Variants in EDA observed in about 807,000 individuals in gnomAD.
EDA encodes ectodysplasin A.
Under a neutral mutation model 23.6 loss-of-function variants are expected in EDA, and 2 were observed. That is an observed-to-expected ratio of 0.08 (90% confidence interval 0.03 to 0.27). EDA has a LOEUF of 0.27. EDA is among the 10% of genes least tolerant of loss of function. EDA has a pLI of 1.00. For missense variants in EDA, 229 were observed against 324.2 expected (o/e 0.71, Z 2.26); for synonymous variants, 131 against 132.0 (o/e 0.99, Z 0.05).
At chrX:69,690,408 T>G (rs1934680254) in intron 1 of EDA, among the ~76,000 whole-genome samples, 1 of 111,624 alleles carries the variant, frequency 9.0e-6, no homozygotes, top group South Asian at 3.7e-4. Context: ...TATTCATGAA[T>G]TTTTTCCTTT....
intron 1 of EDA, among the ~76,000 whole-genome samples, chrX:69,801,664 T>G (rs2015689158): frequency 8.9e-6 from 1 of 112,069 alleles, no homozygotes; most frequent in African/African-American, 3.2e-5. Flanking sequence ...TCTCAAACCA[T>G]TTTTTATAAA....
rs762842929 is a variant in EDA at position 69,616,662 on chromosome X, G to A, written c.354G>A (p.Pro118=). 5 of 1,211,662 alleles carry A rather than the reference G, an allele frequency of 4.1e-6. No individual in the cohort carries two copies. Among genetic ancestry groups the A allele is most frequent in the Admixed American group, 4.3e-5 (2 of 46,126 alleles). ...CACCTAAGCAGCAGCCATTGGAACC[G>A]GGAGAAGCCGCACTCCACTCTGACT... ...QPSPKQQPLE[P]GEAALHSDSQ... Residue 118 remains proline (P), a synonymous_variant, in exon 1 of 8, where the codon CCG becomes CCA. Transcript: ENST00000374552.
At chrX:69,703,775 G>A (rs1212166511) in intron 1 of EDA, among the ~76,000 whole-genome samples, 1 of 111,886 alleles carries the variant, frequency 8.9e-6, no homozygotes, top group East Asian at 2.8e-4. Flanking sequence ...GACTGGGCCT[G>A]AGAAGGGAGG....
At chrX:69,715,064 A>ATT (rs60745776) in intron 1 of EDA, among the ~76,000 whole-genome samples, 29 of 80,143 alleles carry the variant, frequency 3.6e-4, no homozygotes, top group Non-Finnish European at 4.8e-4. Context: ...CTTTCAACCC[A>ATT]TTTTTTTTTT....
chrX:69,845,878 T>C (rs988928150), intron 1 of EDA, among the ~76,000 whole-genome samples: 3 of 111,742 alleles, frequency 2.7e-5, no homozygotes, highest in Non-Finnish European at 5.6e-5. Context: ...GCCACAACCA[T>C]GTGAGTGAAC....
At chrX:69,722,709 G>A (rs1849316879) in intron 1 of EDA, among the ~76,000 whole-genome samples, 1 of 111,224 alleles carries the variant, frequency 9.0e-6, no homozygotes. Context: ...CACTAGTAGA[G>A]CTATGAATAC....
chrX:69,763,002 T>G, intron 1 of EDA, among the ~76,000 whole-genome samples: 1 of 112,413 alleles, frequency 8.9e-6, no homozygotes, highest in African/African-American at 3.2e-5. Context: ...TTGTGGTCTG[T>G]TAAAAATACA....
chrX:69,679,528 A>T (rs796983880), intron 1 of EDA, among the ~76,000 whole-genome samples: 6 of 111,260 alleles, frequency 5.4e-5, no homozygotes, highest in African/African-American at 1.6e-4. Flanking sequence ...GAGATTCAAC[A>T]TCTTCCTTGT....
intron 1 of EDA, among the ~76,000 whole-genome samples, chrX:69,851,173 G>GTGTGTGTT (rs1556018795): frequency 1.8e-5 from 2 of 110,875 alleles, no homozygotes; most frequent in Non-Finnish European, 3.8e-5. Flanking sequence ...GTGTGTGTGT[G>GTGTGTGTT]TGTGTGTGTG....
chrX:69,775,287 G>A (rs751879933), intron 1 of EDA, among the ~76,000 whole-genome samples: 1 of 111,188 alleles, frequency 9.0e-6, no homozygotes. Context: ...TAACTAAAGA[G>A]ACCTCACTCA....
chrX:69,853,443 CAG>C (rs2017176584), intron 1 of EDA, among the ~76,000 whole-genome samples: 1 of 110,801 alleles, frequency 9.0e-6, no homozygotes, highest in Non-Finnish European at 1.9e-5. Context: ...ATTGGAGTTC[CAG>C]AGAGATAAAA....
At chrX:69,625,375 G>T (rs1029286738) in intron 1 of EDA, among the ~76,000 whole-genome samples, 1 of 110,752 alleles carries the variant, frequency 9.0e-6, no homozygotes, top group African/African-American at 3.3e-5. Context: ...CAAGTGCAAA[G>T]GCCTGGAGAT....
At chrX:69,721,990 A>G (rs2012599989) in intron 1 of EDA, among the ~76,000 whole-genome samples, 1 of 111,273 alleles carries the variant, frequency 9.0e-6, no homozygotes, top group Non-Finnish European at 1.9e-5. Context: ...AATCAAGACT[A>G]CATTTGCCTC....
intron 2 of EDA, among the ~76,000 whole-genome samples, chrX:69,981,407 T>C (rs1340973023): frequency 2.7e-5 from 3 of 111,810 alleles, no homozygotes; most frequent in Non-Finnish European, 5.6e-5. Flanking sequence ...TTTTCTCACT[T>C]TTAGCATCTT....
chrX:69,901,788 T>C (rs981727915), intron 1 of EDA, among the ~76,000 whole-genome samples: 2 of 111,686 alleles, frequency 1.8e-5, no homozygotes, highest in Non-Finnish European at 3.8e-5. Flanking sequence ...GCTCAGTTTG[T>C]GCGTAGGATC....
chrX:70,037,030 C>G lies in EDA; in HGVS notation c.*1421C>G, dbSNP rs138107904. On this transcript the variant is annotated 3_prime_UTR_variant, in exon 8 of 8. Coordinates refer to ENST00000374552, the MANE Select transcript of EDA (RefSeq NM_001399.5). ...CACCTTCCCCTAAACCCCAAGCTTC[C>G]CAACAGATCATATGGTAGGACCCTC... 1 of 111,988 alleles carries G rather than the reference C, an allele frequency of 8.9e-6. No homozygotes were observed. Among genetic ancestry groups the G allele is most frequent in the Non-Finnish European group, 1.9e-5 (1 of 53,195 alleles). The allele number at this position is 111,988 out of a possible 1,213,427, so 9.2% of individuals were successfully genotyped here. A position where few individuals can be genotyped will look rare whatever the true frequency, so the allele number is the denominator to read the frequency against.
chrX:69,654,853 T>C (rs761319493), intron 1 of EDA, among the ~76,000 whole-genome samples: 70 of 107,561 alleles, frequency 6.5e-4, no homozygotes, highest in African/African-American at 2.2e-3. Flanking sequence ...TGCTAAATGA[T>C]GAGTTAATGG....
intron 1 of EDA, among the ~76,000 whole-genome samples, chrX:69,822,058 T>G (rs4844196): frequency 0.46 from 50,066 of 109,774 alleles, 8,823 homozygotes; most frequent in East Asian, 0.72. Context: ...TGAGGCAGGA[T>G]GATTGCTTGA....
intron 2 of EDA, among the ~76,000 whole-genome samples, chrX:70,011,332 CTT>C (rs749449651): frequency 1.7e-4 from 16 of 96,628 alleles, no homozygotes; most frequent in Admixed American, 3.4e-4. Flanking sequence ...TGCATTTTCG[CTT>C]TTTTTTTTTT....
Sources: gnomAD v4.1 joint callset for allele counts (sites outside exome capture counted in the v4.1 genomes callset) on GRCh38, gnomAD v4.1.1 for gene constraint, MANE v1.5 for transcripts, NCBI Gene and HGNC (gene_info 2026-07-23, HGNC 2026-07-21) for gene names.